PLCG1: variants seen among roughly 807,000 people sequenced by gnomAD.
PLCG1 encodes the protein 1-phosphatidylinositol 4,5-bisphosphate phosphodiesterase gamma-1.
A neutral mutation model predicts 177.8 loss-of-function variants in PLCG1; 71 were observed. That is an observed-to-expected ratio of 0.40 (90% CI 0.33 to 0.49). PLCG1 has a LOEUF of 0.49. Ranked by LOEUF, PLCG1 falls within the 20% of genes least tolerant of loss-of-function variation. PLCG1 has a pLI of 0.72. For missense variants in PLCG1, 1,281 were observed against 1,709.0 expected, an observed-to-expected ratio of 0.75 and a Z score of 4.42; for synonymous variants, 658 against 647.9, an observed-to-expected ratio of 1.02 and a Z score of -0.24.
At chr20:41,171,346 G>A (rs1309750932) in intron 24 of PLCG1, among the ~76,000 whole-genome samples, 2 of 152,138 alleles carry the variant, frequency 1.3e-5, no homozygotes, top group African/African-American at 4.8e-5. Context: ...CAGCACTTTG[G>A]GAGGCCGAGA....
intron 24 of PLCG1, among the ~76,000 whole-genome samples, chr20:41,171,573 C>A: frequency 1.8e-5 from 2 of 110,160 alleles, no homozygotes; most frequent in African/African-American, 3.7e-5. Context: ...GGCGACAGAG[C>A]AAGACTCTGT....
chr20:41,168,066 A>G, intron 20 of PLCG1, 137 bp downstream of exon 20: 1 of 687,212 alleles, frequency 1.5e-6, no homozygotes, highest in South Asian at 1.7e-5. Flanking sequence ...AGAGGTTGTG[A>G]GAGATGTGTG....
Position 41,163,731 on chromosome 20 carries a change from T to C in PLCG1, c.908T>C (p.Phe303Ser), listed in dbSNP as rs764441293. ...TCTGGACAGTTTGTCACCTTCCTGT[T>C]CTCCAAAGAGAACAGTGTGTGGAAC... ...FFLDEFVTFLFSKENSVWNSQ... is the reference protein window; with the variant it reads ...FFLDEFVTFLSSKENSVWNSQ... Residue 303 changes from phenylalanine (F) to serine (S), a missense_variant, in exon 10 of 32, where the codon TTC (phenylalanine) becomes TCC (serine). Coordinates refer to ENST00000685551, the MANE Select transcript of PLCG1 (RefSeq NM_002660.3). The surrounding 1 kb of genome is among the most constrained non-coding windows in gnomAD (Gnocchi z 5.2). 4 of 1,610,634 alleles carry C rather than the reference T, an allele frequency of 2.5e-6. No homozygotes were observed. Among genetic ancestry groups the C allele is most frequent in the Non-Finnish European group, 2.5e-6 (3 of 1,176,870 alleles).
rs1411291677 is a variant in PLCG1 at position 41,147,413 on chromosome 20, A to C, written c.217+9555A>C. On this transcript the variant is annotated intron_variant, in intron 1 of 31. Coordinates refer to ENST00000685551, the MANE Select transcript of PLCG1 (RefSeq NM_002660.3). This position sits in a 1 kb window ranked among gnomAD's most constrained non-coding sequence, Gnocchi z 4.0. ...CTGAGAACTGGTCTACACCGGAAGC[A>C]TGAAGCTCCATACAATCATGTGTGC... Among the ~76,000 whole-genome samples, 1 of 152,362 alleles carries C rather than the reference A, an allele frequency of 6.6e-6. No individual in the cohort carries two copies. The highest frequency in any genetic ancestry group is 2.1e-4 in the South Asian group (1 of 4,830).
chr20:41,137,992 C>A lies in PLCG1; in HGVS notation c.217+134C>A. ...GGGCCCTCCCAGACTCCCTCCGGGC[C>A]CCGCCCCCGCTTCGTCTCGGGTGGT... On this transcript the variant is annotated intron_variant, in intron 1 of 31. Transcript: ENST00000685551. The surrounding 1 kb of genome is among the most constrained non-coding windows in gnomAD (Gnocchi z 7.3). The A allele has an allele frequency of 1.8e-6, 1 of 543,826 alleles. No homozygotes were observed. The highest frequency in any genetic ancestry group is 2.8e-6 in the Non-Finnish European group (1 of 358,490). 33.7% of individuals were successfully genotyped at this position (543,826 alleles called of 1,614,324 possible).
rs1182532624 is a variant in PLCG1, at chr20:41,174,373, GTTTC to G, written c.3833+68_3833+71del. 3.1e-6 allele frequency: 5 copies of G among 1,602,286 alleles called. No homozygotes were observed. Among genetic ancestry groups the G allele is most frequent in the Non-Finnish European group, 3.4e-6 (4 of 1,170,072 alleles). ...AGTGGCTAGGTCCTCCTTCTTCAGT[GTTTC>G]TTTCTCCTGGGTAGAAAAGTTGTAA... On this transcript the variant is annotated intron_variant, in intron 31 of 31. Transcript: ENST00000685551. The surrounding 1 kb of genome is among the most constrained non-coding windows in gnomAD (Gnocchi z 5.8).
In PLCG1 at chr20:41,160,734, G is replaced by A. The variant is rs920460830; in HGVS notation, c.512+581G>A. 2.0e-5 allele frequency among the ~76,000 whole-genome samples: 3 copies of A among 152,208 alleles called. No homozygotes were observed. Among genetic ancestry groups the A allele is most frequent in the Non-Finnish European group, 4.4e-5 (3 of 68,032 alleles). Reference sequence around the variant, plus strand: ...GCTTGGATCATGATGGTAATGGTAGGAAGTGGCTGGATTTTGGCCATGTTG... The same window carrying A: ...GCTTGGATCATGATGGTAATGGTAGAAAGTGGCTGGATTTTGGCCATGTTG... On this transcript the variant is annotated intron_variant, in intron 4 of 31. Transcript: ENST00000685551. This position sits in a 1 kb window ranked among gnomAD's most constrained non-coding sequence, Gnocchi z 5.5.
In PLCG1 at chr20:41,166,117, C is replaced by A; in HGVS notation, c.1800-77C>A. 1 of 1,325,864 alleles carries A rather than the reference C, an allele frequency of 7.5e-7. No homozygotes were observed. The highest frequency in any genetic ancestry group is 1.1e-6 in the Non-Finnish European group (1 of 938,780). The allele number at this position is 1,325,864 out of a possible 1,614,324, so 82.1% of individuals were successfully genotyped here. A position where few individuals can be genotyped will look rare whatever the true frequency, so the allele number is the denominator to read the frequency against. On this transcript the variant is annotated intron_variant, in intron 16 of 31. Coordinates refer to ENST00000685551, the MANE Select transcript of PLCG1 (RefSeq NM_002660.3). The surrounding 1 kb of genome is among the most constrained non-coding windows in gnomAD (Gnocchi z 8.6). ...TTGAGGCTCCCTCCTTGAGTTCCAC[C>A]CTCATTTGGGGTGGAACTTGGTCTT...
rs367760831 is a variant in PLCG1 at position 41,169,468 on chromosome 20, G to C, written c.2592G>C (p.Glu864Asp). 1 of 1,613,488 alleles carries C rather than the reference G, an allele frequency of 6.2e-7. No homozygotes were observed. Among genetic ancestry groups the C allele is most frequent in the Non-Finnish European group, 8.5e-7 (1 of 1,179,478 alleles). Reference sequence around the variant, plus strand: ...TTTGCTTCCCACAGCACTTGGACGAGAACAGCCCCCTAGGGGACTTGCTGC... The same window carrying C: ...TTTGCTTCCCACAGCACTTGGACGACAACAGCCCCCTAGGGGACTTGCTGC... Reference protein sequence around the residue: ...ALEPEREHLDENSPLGDLLRG... With the variant: ...ALEPEREHLDDNSPLGDLLRG... Residue 864 changes from glutamate to aspartate, a missense_variant, in exon 23 of 32, where the codon GAG becomes GAC. Around this residue, in one of 4 missense-constraint regions of PLCG1, gnomAD observed 723 missense variants for 1,030.0 expected, o/e 0.70. Coordinates refer to ENST00000685551, the MANE Select transcript of PLCG1 (RefSeq NM_002660.3).
Position 41,168,197 on chromosome 20 carries a change from C to T in PLCG1, c.2379+268C>T, listed in dbSNP as rs111312497. Among the ~76,000 whole-genome samples the T allele has an allele frequency of 9.5e-4, 144 of 152,294 alleles. 2 individuals are homozygous for T. Among genetic ancestry groups the T allele is most frequent in the South Asian group, 5.4e-3 (26 of 4,826 alleles). On this transcript the variant is annotated intron_variant, in intron 20 of 31. Transcript: ENST00000685551. ...CCCCTGTTTCCTTCCTGGGCAGCAG[C>T]GGGGTAGGAGCTGGGAGGCACACTG...
chr20:41,155,423 C>T (rs1042623995), intron 1 of PLCG1, among the ~76,000 whole-genome samples: 7 of 152,144 alleles, frequency 4.6e-5, no homozygotes, highest in African/African-American at 1.7e-4. Flanking sequence ...TAGCTATATG[C>T]TTGGAGCCAG....
Position 41,173,270 on chromosome 20 carries a change from C to A in PLCG1, c.3280-150C>A. The A allele has an allele frequency of 1.3e-6, 1 of 787,868 alleles. No homozygotes were observed. Among genetic ancestry groups the A allele is most frequent in the Non-Finnish European group, 2.0e-6 (1 of 502,712 alleles). 48.8% of individuals were successfully genotyped at this position (787,868 alleles called of 1,614,324 possible). ...AGCTGCTCTGGACAGCTTAGGGTCC[C>A]TGATGTCGTGAGGGACTCCATGGGC... On this transcript the variant is annotated intron_variant, in intron 27 of 31. Transcript: ENST00000685551. The surrounding 1 kb of genome is among the most constrained non-coding windows in gnomAD (Gnocchi z 6.2).
chr20:41,159,666 A>C lies in PLCG1; in HGVS notation c.278A>C (p.Tyr93Ser), dbSNP rs1215346964. Residue 93 changes from tyrosine (Y) to serine (S), a missense_variant, in exon 2 of 32, where the codon TAT becomes TCT. Tyr to Ser is a moderately radical substitution (Grantham distance 144). This residue lies in a region of PLCG1 where 374 missense variants were observed against 443.8 expected (regional missense o/e 0.84). Transcript: ENST00000685551. This position sits in a 1 kb window ranked among gnomAD's most constrained non-coding sequence, Gnocchi z 6.0. ...PGKTSRDFDR[Y>S]QEDPAFRPDQ... ...AAGACCTCACGGGACTTTGATCGCTATCAAGAGGACCCAGCTTTCCGGCCG... is the reference window on the plus strand; with the variant it reads ...AAGACCTCACGGGACTTTGATCGCTCTCAAGAGGACCCAGCTTTCCGGCCG... 8.7e-6 allele frequency: 14 copies of C among 1,614,202 alleles called. No homozygotes were observed. The highest frequency in any genetic ancestry group is 1.2e-5 in the Non-Finnish European group (14 of 1,180,018).
chr20:41,137,547 G>C lies in PLCG1; in HGVS notation c.-95G>C. On this transcript the variant is annotated 5_prime_UTR_variant, in exon 1 of 32. Coordinates refer to ENST00000685551, the MANE Select transcript of PLCG1 (RefSeq NM_002660.3). This position sits in a 1 kb window ranked among gnomAD's most constrained non-coding sequence, Gnocchi z 7.3. ...AGCCGCCGCCGGGTCCCGCTCGTCT[G>C]CCGCCTCAGCCTCAGCCCCAACCTC... The C allele has an allele frequency of 1.5e-6, 1 of 654,784 alleles. No homozygotes were observed. The highest frequency in any genetic ancestry group is 2.1e-6 in the Non-Finnish European group (1 of 470,346). The allele number at this position is 654,784 out of a possible 1,614,324, so 40.6% of individuals were successfully genotyped here. A position where few individuals can be genotyped will look rare whatever the true frequency, so the allele number is the denominator to read the frequency against.
intron 1 of PLCG1, among the ~76,000 whole-genome samples, chr20:41,141,171 A>G (rs1326318064): frequency 6.6e-6 from 1 of 152,132 alleles, no homozygotes; most frequent in African/African-American, 2.4e-5. Context: ...GGCCCAGTAA[A>G]CACTGGTGTA....
Position 41,137,583 on chromosome 20 carries a change from G to A in PLCG1, c.-59G>A. On this transcript the variant is annotated 5_prime_UTR_variant, in exon 1 of 32. Coordinates refer to ENST00000685551, the MANE Select transcript of PLCG1 (RefSeq NM_002660.3). The surrounding 1 kb of genome is among the most constrained non-coding windows in gnomAD (Gnocchi z 7.3). ...CTCAGCCCCAACCTCAGCCGCCGCC[G>A]TTGCGCTTGCTCCCGGGCGGTCCTG... The A allele has an allele frequency of 9.1e-7, 1 of 1,097,082 alleles. No individual in the cohort carries two copies. The highest frequency in any genetic ancestry group is 1.2e-6 in the Non-Finnish European group (1 of 857,436). The allele number at this position is 1,097,082 out of a possible 1,614,324, so 68.0% of individuals were successfully genotyped here. A position where few individuals can be genotyped will look rare whatever the true frequency, so the allele number is the denominator to read the frequency against.
In PLCG1 at chr20:41,163,250, A is replaced by G; in HGVS notation, c.764A>G (p.Gln255Arg). The change falls in exon 8 of 32, where the codon CAG becomes CGG. Residue 255 changes from glutamine to arginine, a missense_variant. Physicochemically the swap from Gln to Arg is conservative, Grantham distance 43 (BLOSUM62 1). Around this residue, in one of 4 missense-constraint regions of PLCG1, gnomAD observed 374 missense variants for 443.8 expected, o/e 0.84. Transcript: ENST00000685551. The surrounding 1 kb of genome is among the most constrained non-coding windows in gnomAD (Gnocchi z 5.2). The part of the protein sequence containing the change: ...ELCRVSLPEF[Q>R]QFLLDYQGEL... ...TGCCGAGTGTCCCTTCCTGAGTTCCAGCAGTTCCTTCTTGACTACCAGGGG... is the reference window on the plus strand; with the variant it reads ...TGCCGAGTGTCCCTTCCTGAGTTCCGGCAGTTCCTTCTTGACTACCAGGGG... The G allele has an allele frequency of 6.4e-7, 1 of 1,554,796 alleles. No individual in the cohort carries two copies. The highest frequency in any genetic ancestry group is 2.0e-5 in the Admixed American group (1 of 50,642).
intron 1 of PLCG1, among the ~76,000 whole-genome samples, chr20:41,140,205 G>C (rs922543936): frequency 6.6e-6 from 1 of 152,160 alleles, no homozygotes; most frequent in Admixed American, 6.5e-5. Flanking sequence ...GAGGACCCTG[G>C]CTTTTGGATT....
rs370331909 is a variant in PLCG1 at position 41,137,752 on chromosome 20, G to A, written c.111G>A (p.Leu37=). ...TCGAGGTGGGCACCGTCATGACTTT[G>A]TTCTACTCCAAGAAGTCGCAGCGAC... The part of the protein sequence containing the change: ...RSLEVGTVMT[L]FYSKKSQRPE... Residue 37 remains leucine, a synonymous_variant, in exon 1 of 32, where the codon TTG becomes TTA. Transcript: ENST00000685551. The surrounding 1 kb of genome is among the most constrained non-coding windows in gnomAD (Gnocchi z 7.3). 5.0e-5 allele frequency: 64 copies of A among 1,292,492 alleles called. No homozygotes were observed. The African/African-American group carries it at 8.1e-4, about 16-fold the overall frequency. The allele number at this position is 1,292,492 out of a possible 1,614,324, so 80.1% of individuals were successfully genotyped here.
Sources: allele counts gnomAD v4.1 joint callset (sites outside exome capture counted in the v4.1 genomes callset), GRCh38; gene constraint gnomAD v4.1.1; regional missense constraint gnomAD v4.1.1; non-coding constraint Gnocchi (gnomAD v3.1); transcripts MANE v1.5; gene names NCBI Gene and HGNC (gene_info 2026-07-23, HGNC 2026-07-21).